Variants in NCKAP5 observed in about 807,000 individuals in gnomAD.
The protein encoded by NCKAP5 is NCK associated protein 5.
A neutral mutation model predicts 167.0 loss-of-function variants in NCKAP5; 92 were observed. That is an observed-to-expected ratio of 0.55 (90% CI 0.47 to 0.66). The LOEUF is 0.66. Ranked by LOEUF, NCKAP5 falls within the 30% of genes least tolerant of loss-of-function variation. NCKAP5 has a pLI of 0.00. For synonymous variants in NCKAP5, 891 were observed against 877.4 expected, an observed-to-expected ratio of 1.02 and a Z score of -0.27; for missense variants, 2,378 against 2,315.0, an observed-to-expected ratio of 1.03 and a Z score of -0.56.
At chr2:132,723,659 T>G (rs1690171299) in intron 19 of NCKAP5, among the ~76,000 whole-genome samples, 1 of 152,222 alleles carries the variant, frequency 6.6e-6, no homozygotes, top group South Asian at 2.1e-4. Context: ...TTACTTGCAC[T>G]GGCTGCGTTT....
intron 6 of NCKAP5, among the ~76,000 whole-genome samples, chr2:133,046,465 A>T (rs2079403269): frequency 1.3e-5 from 2 of 151,962 alleles, no homozygotes; most frequent in African/African-American, 4.8e-5. Context: ...TACACCCTCG[A>T]CCTCTCCAGC....
chr2:133,550,887 A>C (rs1460805643), intron 2 of NCKAP5, among the ~76,000 whole-genome samples: 2 of 149,438 alleles, frequency 1.3e-5, no homozygotes, highest in South Asian at 2.2e-4. Context: ...GCTGATAAGC[A>C]ACTTCAGCAA....
At chr2:132,874,191 C>T (rs766823953) in intron 9 of NCKAP5, among the ~76,000 whole-genome samples, 11 of 148,882 alleles carry the variant, frequency 7.4e-5, no homozygotes, top group Non-Finnish European at 1.3e-4. Flanking sequence ...TCACTGCGAC[C>T]TTCACCTCCC....
intron 5 of NCKAP5, among the ~76,000 whole-genome samples, chr2:133,208,365 T>A (rs2086056697): frequency 6.6e-6 from 1 of 152,118 alleles, no homozygotes; most frequent in South Asian, 2.1e-4. Context: ...ACAAGTCATG[T>A]TGATAATATA....
intron 3 of NCKAP5, among the ~76,000 whole-genome samples, chr2:133,477,515 T>C (rs1041953273): frequency 6.6e-6 from 1 of 152,204 alleles, no homozygotes; most frequent in East Asian, 1.9e-4. Flanking sequence ...CTTCAGTGGA[T>C]GCCTGAAACC....
At chr2:133,405,876 A>C (rs1437701131) in intron 3 of NCKAP5, among the ~76,000 whole-genome samples, 1 of 152,230 alleles carries the variant, frequency 6.6e-6, no homozygotes, top group Non-Finnish European at 1.5e-5. Flanking sequence ...TGCCGTAGGC[A>C]CTCAATACAT....
intron 9 of NCKAP5, among the ~76,000 whole-genome samples, chr2:132,871,696 A>ATTGT (rs1314052497): frequency 6.6e-6 from 1 of 152,184 alleles, no homozygotes; most frequent in Non-Finnish European, 1.5e-5. Flanking sequence ...ACTTTGGAAA[A>ATTGT]TTATTTGCTC....
At chr2:133,390,698 G>C (rs1005637061) in intron 3 of NCKAP5, among the ~76,000 whole-genome samples, 1 of 152,034 alleles carries the variant, frequency 6.6e-6, no homozygotes, top group South Asian at 2.1e-4. Context: ...ATCACTTTGG[G>C]AATTAAAAAT....
At chr2:133,136,905 G>A (rs1276069512) in intron 5 of NCKAP5, among the ~76,000 whole-genome samples, 3 of 152,166 alleles carry the variant, frequency 2.0e-5, no homozygotes, top group Admixed American at 1.3e-4. Context: ...CGGAGACCCA[G>A]AACAATCCTT....
the NCKAP5 span, among the ~76,000 whole-genome samples, chr2:133,626,562 A>G: frequency 6.6e-6 from 1 of 152,232 alleles, no homozygotes; most frequent in Admixed American, 6.5e-5. Flanking sequence ...TCTCATTCAA[A>G]GTATAAAGAT....
At chr2:132,795,529 T>C (rs1684507097) in intron 12 of NCKAP5, among the ~76,000 whole-genome samples, 1 of 152,104 alleles carries the variant, frequency 6.6e-6, no homozygotes, top group Non-Finnish European at 1.5e-5. Context: ...AAAATAGAGA[T>C]AATGAAGCTG....
intron 19 of NCKAP5, among the ~76,000 whole-genome samples, chr2:132,720,884 A>G (rs1278041074): frequency 2.0e-5 from 3 of 152,064 alleles, no homozygotes; most frequent in South Asian, 4.1e-4. Flanking sequence ...GGTGGGAGGC[A>G]CCTGTAATCT....
chr2:133,309,328 A>G (rs80348213), intron 3 of NCKAP5, among the ~76,000 whole-genome samples: 16,562 of 152,188 alleles, frequency 0.11, 958 homozygotes, highest in South Asian at 0.13. Context: ...AAATTTTAGA[A>G]AGCTTGATCT....
At chr2:133,623,178 G>A in the NCKAP5 span, among the ~76,000 whole-genome samples, 3 of 152,134 alleles carry the variant, frequency 2.0e-5, no homozygotes, top group Non-Finnish European at 4.4e-5. Context: ...TTAACTCTAA[G>A]ACCTGAAACC....
intron 3 of NCKAP5, among the ~76,000 whole-genome samples, chr2:133,437,312 C>A (rs540526052): frequency 1.7e-4 from 26 of 151,354 alleles, no homozygotes; most frequent in Admixed American, 1.4e-3. Context: ...GAGATCGTGC[C>A]ATTGCACTCC....
At chr2:132,949,966 C>T (rs1174139673) in intron 8 of NCKAP5, among the ~76,000 whole-genome samples, 1 of 152,064 alleles carries the variant, frequency 6.6e-6, no homozygotes, top group Non-Finnish European at 1.5e-5. Flanking sequence ...TAGTGGTGGG[C>T]ACCTGTAATC....
chr2:132,890,751 G>A (rs1170002828), intron 8 of NCKAP5, among the ~76,000 whole-genome samples: 1 of 152,180 alleles, frequency 6.6e-6, no homozygotes, highest in Non-Finnish European at 1.5e-5. Flanking sequence ...GTGGCCATAT[G>A]TGTAGCGTAG....
chr2:132,681,906 C>T (rs540304522), intron 19 of NCKAP5, among the ~76,000 whole-genome samples: 1 of 152,292 alleles, frequency 6.6e-6, no homozygotes, highest in South Asian at 2.1e-4. Flanking sequence ...AATGGGACTG[C>T]AAGCTAAGGT....
At chr2:132,816,228 G>C (rs1187028921) in intron 11 of NCKAP5, among the ~76,000 whole-genome samples, 1 of 152,072 alleles carries the variant, frequency 6.6e-6, no homozygotes, top group Admixed American at 6.5e-5. Context: ...GGCACAATTT[G>C]TGGGGCCCAG....
Sources: allele counts gnomAD v4.1 joint callset (sites outside exome capture counted in the v4.1 genomes callset), GRCh38; gene constraint gnomAD v4.1.1; transcripts MANE v1.5; gene names NCBI Gene and HGNC (gene_info 2026-07-23, HGNC 2026-07-21).